The following ZZZ3 variants were observed in gnomAD, a reference collection of about 807,000 sequenced individuals.
ZZZ3 encodes the protein zinc finger ZZ-type containing 3, also known as ZZ-type zinc finger-containing protein 3.
In ZZZ3, 22 loss-of-function variants were observed where a neutral mutation model predicts 95.2. That is an observed-to-expected ratio of 0.23 (90% CI 0.17 to 0.33). ZZZ3 has a LOEUF of 0.33. Ranked by LOEUF, ZZZ3 falls within the 10% of genes least tolerant of loss-of-function variation. The probability of loss-of-function intolerance (pLI) is 1.00; values close to 1 mark genes in which losing one functional copy is unlikely to be tolerated. For missense variants in ZZZ3, 885 were observed against 1,066.5 expected, an observed-to-expected ratio of 0.83 and a Z score of 2.37; for synonymous variants, 335 against 358.9, an observed-to-expected ratio of 0.93 and a Z score of 0.75.
intron 1 of ZZZ3, among the ~76,000 whole-genome samples, chr1:77,676,507 A>G (rs278863): frequency 0.42 from 63,990 of 152,082 alleles, 15,721 homozygotes; most frequent in African/African-American, 0.68. Flanking sequence ...CTCTGTTCAA[A>G]AAGGGGGAAA....
At chr1:77,646,780 T>C (rs548829728) in intron 1 of ZZZ3, among the ~76,000 whole-genome samples, 18 of 152,290 alleles carry the variant, frequency 1.2e-4, no homozygotes, top group African/African-American at 4.3e-4. Context: ...CCTACAATTG[T>C]CCCCAGTTTA....
At chr1:77,574,148 ATATAGATT>A (rs1661692238) in intron 12 of ZZZ3, among the ~76,000 whole-genome samples, 1 of 148,072 alleles carries the variant, frequency 6.8e-6, no homozygotes, top group African/African-American at 2.4e-5. Flanking sequence ...ATATAGATAT[ATATAGATT>A]TATATATAGA....
intron 5 of ZZZ3, among the ~76,000 whole-genome samples, chr1:77,585,826 C>T (rs1453245285): frequency 1.3e-5 from 2 of 152,146 alleles, no homozygotes; most frequent in Admixed American, 1.3e-4. Context: ...GTTCACAGGC[C>T]GTCATGGCAA....
At chr1:77,568,182 G>C in intron 13 of ZZZ3, 150 bp downstream of exon 13, 1 of 553,196 alleles carries the variant, frequency 1.8e-6, no homozygotes, top group South Asian at 2.5e-5. Context: ...GGGTGGCTGA[G>C]ACACGAGAAT....
chr1:77,660,360 C>T (rs950311069), intron 1 of ZZZ3, among the ~76,000 whole-genome samples: 2 of 152,180 alleles, frequency 1.3e-5, no homozygotes, highest in African/African-American at 2.4e-5. Flanking sequence ...AAACTCTACG[C>T]TCCTTAAACA....
chr1:77,605,771 A>G (rs1311663301), intron 5 of ZZZ3, among the ~76,000 whole-genome samples: 4 of 152,152 alleles, frequency 2.6e-5, no homozygotes, highest in African/African-American at 9.7e-5. Flanking sequence ...GGAAGGAACC[A>G]GTCCTGGCAG....
chr1:77,678,174 T>C (rs1017560377), intron 1 of ZZZ3, among the ~76,000 whole-genome samples: 5 of 152,232 alleles, frequency 3.3e-5, no homozygotes, highest in African/African-American at 9.6e-5. Context: ...TCTGCTTTAC[T>C]ATCTTCTCCA....
At chr1:77,575,163 G>A (rs941088088) in intron 12 of ZZZ3, among the ~76,000 whole-genome samples, 24 of 152,180 alleles carry the variant, frequency 1.6e-4, no homozygotes, top group African/African-American at 5.5e-4. Context: ...CTGCCTGGGC[G>A]ACAGAGCGAG....
rs769366249 is a variant in ZZZ3 at position 77,562,597 on chromosome 1, G to A, written c.*3043C>T. ...GAATCAATTTAAACAAAAAGGGGAA[G>A]GGGGGAAAACAGACAAGGCATACTA... On this transcript the variant is annotated 3_prime_UTR_variant, in exon 15 of 15. Transcript: ENST00000370801. 2 of 152,108 alleles carry A rather than the reference G, an allele frequency of 1.3e-5. No homozygotes were observed. The highest frequency in any genetic ancestry group is 2.9e-5 in the Non-Finnish European group (2 of 68,018). The allele number at this position is 152,108 out of a possible 1,614,324, so 9.4% of individuals were successfully genotyped here.
chr1:77,602,540 C>G (rs548278251), intron 5 of ZZZ3, among the ~76,000 whole-genome samples: 5 of 151,046 alleles, frequency 3.3e-5, no homozygotes, highest in Non-Finnish European at 5.9e-5. Flanking sequence ...TTTCAATTAT[C>G]ATTAAGAACA....
chr1:77,647,334 C>T (rs922494670), intron 1 of ZZZ3, among the ~76,000 whole-genome samples: 1 of 152,134 alleles, frequency 6.6e-6, no homozygotes, highest in South Asian at 2.1e-4. Flanking sequence ...GCCTAGCCAA[C>T]ATGGCGAAAA....
chr1:77,666,948 C>A (rs1671300369), intron 1 of ZZZ3, among the ~76,000 whole-genome samples: 1 of 152,066 alleles, frequency 6.6e-6, no homozygotes, highest in Non-Finnish European at 1.5e-5. Context: ...GGGAACAGGC[C>A]ATGAAAATAT....
chr1:77,600,579 T>G (rs1664634786), intron 5 of ZZZ3, among the ~76,000 whole-genome samples: 1 of 152,054 alleles, frequency 6.6e-6, no homozygotes, highest in Non-Finnish European at 1.5e-5. Context: ...AGGGGTGGCT[T>G]CCCAAAAGAA....
intron 5 of ZZZ3, among the ~76,000 whole-genome samples, chr1:77,626,173 C>T (rs1462492499): frequency 6.6e-6 from 1 of 152,114 alleles, no homozygotes; most frequent in Admixed American, 6.5e-5. Flanking sequence ...GCTTACTCTA[C>T]TTACAAGCAA....
At chr1:77,596,766 TTAAA>T (rs1454101561) in intron 5 of ZZZ3, among the ~76,000 whole-genome samples, 4 of 152,054 alleles carry the variant, frequency 2.6e-5, no homozygotes, top group Non-Finnish European at 5.9e-5. Flanking sequence ...AATTAAATAA[TTAAA>T]TAGTTGACAG....
chr1:77,592,678 A>G (rs999059950), intron 5 of ZZZ3, among the ~76,000 whole-genome samples: 11 of 152,200 alleles, frequency 7.2e-5, no homozygotes, highest in Admixed American at 2.0e-4. Flanking sequence ...GCTCAAAAAT[A>G]TTTATGAGGT....
intron 5 of ZZZ3, among the ~76,000 whole-genome samples, chr1:77,588,454 GA>G (rs200060242): frequency 0.065 from 9,494 of 145,344 alleles, 587 homozygotes; most frequent in African/African-American, 0.16. Flanking sequence ...AGCTATGCAG[GA>G]AAAAAAAAAA....
intron 1 of ZZZ3, among the ~76,000 whole-genome samples, chr1:77,667,421 TTAAAAG>T (rs1191594982): frequency 2.0e-5 from 3 of 152,212 alleles, no homozygotes; most frequent in East Asian, 1.9e-4. Flanking sequence ...TCTCCTACAC[TTAAAAG>T]TAAAACAGAA....
chr1:77,636,184 A>G (rs562689410), intron 4 of ZZZ3, among the ~76,000 whole-genome samples: 1 of 152,296 alleles, frequency 6.6e-6, no homozygotes, highest in East Asian at 1.9e-4. Flanking sequence ...TAAACACACA[A>G]AAGAATCTGT....
Sources: allele counts gnomAD v4.1 joint callset (sites outside exome capture counted in the v4.1 genomes callset), GRCh38; gene constraint gnomAD v4.1.1; transcripts MANE v1.5; gene names NCBI Gene and HGNC (gene_info 2026-07-23, HGNC 2026-07-21).